The following CTNNA1 variants were observed in gnomAD, a reference collection of about 807,000 sequenced individuals.
CTNNA1 encodes the protein catenin alpha 1, also known as catenin alpha-1.
A neutral mutation model predicts 98.4 loss-of-function variants in CTNNA1; 37 were observed. That is an observed-to-expected ratio of 0.38 (90% confidence interval 0.29 to 0.49). CTNNA1 has a LOEUF of 0.49. Ranked by LOEUF, CTNNA1 falls within the 20% of genes least tolerant of loss-of-function variation. CTNNA1 has a pLI of 0.95. For missense variants in CTNNA1, 761 were observed against 1,147.2 expected, an observed-to-expected ratio of 0.66 and a Z score of 4.86; for synonymous variants, 404 against 413.2, an observed-to-expected ratio of 0.98 and a Z score of 0.27.
intron 7 of CTNNA1, among the ~76,000 whole-genome samples, chr5:138,837,811 T>C (rs1761939170): frequency 6.6e-6 from 1 of 150,748 alleles, no homozygotes; most frequent in Admixed American, 6.6e-5. Flanking sequence ...TTTGTAGATA[T>C]GGGGTCTTGC....
intron 14 of CTNNA1, among the ~76,000 whole-genome samples, 179 bp downstream of exon 14, chr5:138,929,535 G>T (rs1764866850): frequency 6.6e-6 from 1 of 152,158 alleles, no homozygotes; most frequent in African/African-American, 2.4e-5. Flanking sequence ...AGCCTCCTCA[G>T]CTAGAGGCAG....
chr5:138,896,495 T>A (rs1756847169), intron 9 of CTNNA1, among the ~76,000 whole-genome samples: 1 of 152,210 alleles, frequency 6.6e-6, no homozygotes, highest in African/African-American at 2.4e-5. Flanking sequence ...CATACTGCAC[T>A]TCTCAGTGGA....
At chr5:138,852,871 G>GCGCACACACACACGCGCGCGCGCGCA (rs869240008) in intron 7 of CTNNA1, among the ~76,000 whole-genome samples, 27 of 151,358 alleles carry the variant, frequency 1.8e-4, no homozygotes, top group East Asian at 4.0e-4. Flanking sequence ...GCGCGCGCGC[G>GCGCACACACACACGCGCGCGCGCGCA]CACACACACA....
Position 138,758,441 on chromosome 5 carries a change from G to A in CTNNA1, c.-3+4931G>A, listed in dbSNP as rs577379032. ...TCACCAGGCTGGAGTGCAGTGGCAC[G>A]ATCTTGGCTCACTGCAACCTCTGCC... is the stretch of plus-strand genomic sequence containing the variant. On this transcript the variant is annotated intron_variant, in intron 1 of 17. Coordinates refer to ENST00000302763, the MANE Select transcript of CTNNA1 (RefSeq NM_001903.5). Among the ~76,000 whole-genome samples, 49 of 152,144 alleles carry A rather than the reference G, an allele frequency of 3.2e-4. No homozygotes were observed. The East Asian group carries it at 3.3e-3, about 10-fold the overall frequency.
intron 7 of CTNNA1, among the ~76,000 whole-genome samples, chr5:138,867,694 G>A (rs766440144): frequency 6.6e-6 from 1 of 151,490 alleles, no homozygotes; most frequent in Non-Finnish European, 1.5e-5. Flanking sequence ...CCTTTATGGT[G>A]ATCCAGTTCC....
At chr5:138,875,311 C>T (rs1751238926) in intron 7 of CTNNA1, 1 of 852,512 alleles carries the variant, frequency 1.2e-6, no homozygotes, top group African/African-American at 1.8e-5. Context: ...TACTGAAAAG[C>T]TTTTCCGAGA....
At chr5:138,924,275 A>ATTT (rs1206042759) in intron 11 of CTNNA1, among the ~76,000 whole-genome samples, 9 of 128,532 alleles carry the variant, frequency 7.0e-5, no homozygotes, top group African/African-American at 2.7e-4. Context: ...TGTGTTTTTT[A>ATTT]TTTTTTGTTT....
intron 7 of CTNNA1, among the ~76,000 whole-genome samples, chr5:138,853,243 C>T (rs1328858926): frequency 2.6e-5 from 4 of 152,072 alleles, no homozygotes; most frequent in Non-Finnish European, 4.4e-5. Context: ...CCACTGCACC[C>T]GGCCTGCTCA....
At chr5:138,782,957 A>T (rs1321030367) in intron 2 of CTNNA1, among the ~76,000 whole-genome samples, 1 of 152,172 alleles carries the variant, frequency 6.6e-6, no homozygotes, top group Non-Finnish European at 1.5e-5. Flanking sequence ...AAATTAAAAT[A>T]TGTGTTAAAT....
chr5:138,885,975 T>TA (rs1484537811), intron 7 of CTNNA1, among the ~76,000 whole-genome samples: 3 of 152,176 alleles, frequency 2.0e-5, no homozygotes, highest in African/African-American at 7.2e-5. Flanking sequence ...TGGCTTCTCT[T>TA]ATTTTGGCAA....
At chr5:138,784,396 T>C (rs538150646) in intron 3 of CTNNA1, among the ~76,000 whole-genome samples, 51 of 152,344 alleles carry the variant, frequency 3.3e-4, no homozygotes, top group Non-Finnish European at 1.8e-4. Flanking sequence ...GAGTCTTATG[T>C]CAAATTCATC....
intron 3 of CTNNA1, among the ~76,000 whole-genome samples, chr5:138,807,380 C>T (rs939986498): frequency 6.6e-6 from 1 of 151,886 alleles, no homozygotes; most frequent in African/African-American, 2.4e-5. Flanking sequence ...TGCCCACATC[C>T]TTCCTCTCCT....
rs1763118113 is a variant in CTNNA1 at position 138,850,814 on chromosome 5, T to G, written c.1062+23096T>G. On this transcript the variant is annotated intron_variant, in intron 7 of 17. Coordinates refer to ENST00000302763, the MANE Select transcript of CTNNA1 (RefSeq NM_001903.5). ...GGTTTTAGAGCCCAAAGATGGATGCTTCTACAGATTTAAGTTTTACCTATT... is the reference window on the plus strand; with the variant it reads ...GGTTTTAGAGCCCAAAGATGGATGCGTCTACAGATTTAAGTTTTACCTATT... Among the ~76,000 whole-genome samples, 3 of 152,232 alleles carry G rather than the reference T, an allele frequency of 2.0e-5. No homozygotes were observed. In the South Asian group the frequency reaches 6.2e-4, roughly 32 times the overall value.
At chr5:138,762,931 A>T (rs1197973877) in intron 1 of CTNNA1, among the ~76,000 whole-genome samples, 8 of 152,062 alleles carry the variant, frequency 5.3e-5, no homozygotes, top group Non-Finnish European at 4.4e-5. Flanking sequence ...ATCTTTCTTA[A>T]TTGCTAATTT....
At position 138,844,226 on chromosome 5, in the gene CTNNA1, A is replaced by G. The variant is rs949461470; in HGVS notation, c.1062+16508A>G. ...GCTCAGGCTGGTCTCACATTCCTGG[A>G]CTCAAGCGATCCACCTGCCTCGGCA... On this transcript the variant is annotated intron_variant, in intron 7 of 17. Coordinates refer to ENST00000302763, the MANE Select transcript of CTNNA1 (RefSeq NM_001903.5). Among the ~76,000 whole-genome samples, 7 of 152,084 alleles carry G rather than the reference A, an allele frequency of 4.6e-5. No homozygotes were observed. In the East Asian group the frequency reaches 1.4e-3, roughly 29 times the overall value.
chr5:138,755,859 T>C (rs1196173446), intron 1 of CTNNA1, among the ~76,000 whole-genome samples: 1 of 112,594 alleles, frequency 8.9e-6, no homozygotes, highest in Non-Finnish European at 1.7e-5. Flanking sequence ...TTTTTTTTTT[T>C]TTTTTTTTTT....
At chr5:138,933,083 G>A (rs990540187) in intron 17 of CTNNA1, 7 of 688,826 alleles carry the variant, frequency 1.0e-5, no homozygotes, top group East Asian at 5.2e-5. Flanking sequence ...GCAGTGAGCC[G>A]AGATGGCACC....
At chr5:138,760,948 A>G (rs550215461) in intron 1 of CTNNA1, among the ~76,000 whole-genome samples, 30 of 152,154 alleles carry the variant, frequency 2.0e-4, no homozygotes, top group Non-Finnish European at 4.0e-4. Context: ...GATATATAAT[A>G]AGTTCTGGAA....
chr5:138,920,657 G>A (rs569092211), intron 11 of CTNNA1, among the ~76,000 whole-genome samples: 1 of 152,318 alleles, frequency 6.6e-6, no homozygotes, highest in South Asian at 2.1e-4. Flanking sequence ...CAGAGTGAGA[G>A]GTTTTATGTA....
Sources: gnomAD v4.1 joint callset for allele counts (sites outside exome capture counted in the v4.1 genomes callset) on GRCh38, gnomAD v4.1.1 for gene constraint, MANE v1.5 for transcripts, NCBI Gene and HGNC (gene_info 2026-07-23, HGNC 2026-07-21) for gene names.